The following PTPRN2 variants were observed in gnomAD, a reference collection of about 807,000 sequenced individuals.
PTPRN2 encodes receptor-type tyrosine-protein phosphatase N2.
In PTPRN2, 74 loss-of-function variants were observed where a neutral mutation model predicts 118.8. That is an observed-to-expected ratio of 0.62 (90% CI 0.52 to 0.76). The LOEUF (loss-of-function observed/expected upper bound fraction) is 0.76, where lower values mean the gene tolerates loss of function less well. Among genes scored for constraint, PTPRN2 ranks in the 30% least tolerant of loss-of-function variants. The pLI is 0.00. For synonymous variants in PTPRN2, 641 were observed against 608.0 expected (o/e 1.05, Z -0.80); for missense variants, 1,481 against 1,394.4 (o/e 1.06, Z -0.99).
intron 2 of PTPRN2, among the ~76,000 whole-genome samples, chr7:158,355,397 G>C (rs539806531): frequency 6.6e-6 from 1 of 152,342 alleles, no homozygotes; most frequent in African/African-American, 2.4e-5. Flanking sequence ...TGCAGCATAA[G>C]TGTCTGTAAT....
At chr7:158,357,648 T>C (rs1310946742) in intron 2 of PTPRN2, among the ~76,000 whole-genome samples, 1 of 152,224 alleles carries the variant, frequency 6.6e-6, no homozygotes, top group Non-Finnish European at 1.5e-5. Flanking sequence ...AGCTTATCTG[T>C]GCAGCCGTCA....
chr7:158,163,900 T>C (rs1822620629), intron 6 of PTPRN2, among the ~76,000 whole-genome samples: 1 of 152,284 alleles, frequency 6.6e-6, no homozygotes, highest in African/African-American at 2.4e-5. Context: ...GTATTCTCTG[T>C]GTATTTCATA....
At chr7:157,834,480 C>A (rs887601930) in intron 12 of PTPRN2, among the ~76,000 whole-genome samples, 71 of 138,812 alleles carry the variant, frequency 5.1e-4, no homozygotes, top group Non-Finnish European at 7.5e-4. Context: ...AGTGAGCCAG[C>A]AGCACTCCCT....
At chr7:158,422,878 G>A (rs1815375309) in intron 2 of PTPRN2, among the ~76,000 whole-genome samples, 1 of 152,244 alleles carries the variant, frequency 6.6e-6, no homozygotes, top group African/African-American at 2.4e-5. Flanking sequence ...CTTACAAGTA[G>A]TTGGTGTGTA....
intron 12 of PTPRN2, among the ~76,000 whole-genome samples, chr7:157,751,520 G>A (rs1241752829): frequency 3.3e-5 from 5 of 152,258 alleles, no homozygotes; most frequent in East Asian, 1.9e-4. Context: ...CACGGAGTGC[G>A]CTCGCTCGGG....
intron 3 of PTPRN2, among the ~76,000 whole-genome samples, chr7:158,307,550 G>C (rs1204309976): frequency 6.6e-6 from 1 of 152,114 alleles, no homozygotes; most frequent in Admixed American, 6.6e-5. Flanking sequence ...CCCAAAACTA[G>C]ATGGAAAACA....
intron 2 of PTPRN2, among the ~76,000 whole-genome samples, chr7:158,342,609 A>G (rs918971197): frequency 1.3e-5 from 2 of 152,156 alleles, no homozygotes; most frequent in Non-Finnish European, 2.9e-5. Context: ...TCACCATAAG[A>G]GCTGACATCT....
intron 13 of PTPRN2, among the ~76,000 whole-genome samples, chr7:157,662,104 C>T (rs1262378075): frequency 1.3e-5 from 2 of 152,224 alleles, no homozygotes; most frequent in East Asian, 3.9e-4. Flanking sequence ...GATTTTGAAT[C>T]TGGGCTTCAG....
chr7:157,563,774 G>A (rs552854831), intron 21 of PTPRN2, among the ~76,000 whole-genome samples: 1,675 of 146,906 alleles, frequency 0.011, 22 homozygotes, highest in African/African-American at 0.041. Flanking sequence ...TCAGGACCAC[G>A]TGCTCCCACA....
chr7:157,642,370 A>T (rs1804724925), intron 14 of PTPRN2, among the ~76,000 whole-genome samples: 1 of 152,236 alleles, frequency 6.6e-6, no homozygotes, highest in South Asian at 2.1e-4. Context: ...AACTCGTGTT[A>T]GGTTTACACA....
chr7:157,973,606 C>T (rs1802505733), intron 11 of PTPRN2, among the ~76,000 whole-genome samples: 1 of 152,202 alleles, frequency 6.6e-6, no homozygotes, highest in African/African-American at 2.4e-5. Flanking sequence ...TAAAGAATAT[C>T]CTTCTGCACA....
rs184215979 is a variant in PTPRN2 at position 158,128,003 on chromosome 7, C to T, written c.1556+5674G>A. Among the ~76,000 whole-genome samples the T allele has an allele frequency of 1.6e-3, 242 of 152,250 alleles. 1 individual carries two copies. Among genetic ancestry groups the T allele is most frequent in the Non-Finnish European group, 2.6e-3 (176 of 68,026 alleles). The stretch of plus-strand genomic sequence containing the variant: ...GAGAGAAAATCATGCCTGGAAAAGC[C>T]GAGCCCTACCATCCTCCCATCTGAA... On this transcript the variant is annotated intron_variant, in intron 9 of 22. Transcript: ENST00000389418.
At chr7:157,905,966 C>T (rs1409373537) in intron 11 of PTPRN2, among the ~76,000 whole-genome samples, 3 of 152,196 alleles carry the variant, frequency 2.0e-5, no homozygotes, top group Non-Finnish European at 4.4e-5. Flanking sequence ...GCCTCACAGC[C>T]ACCGTAAACA....
At chr7:157,649,408 G>A (rs1175736260) in intron 14 of PTPRN2, among the ~76,000 whole-genome samples, 1 of 134,962 alleles carries the variant, frequency 7.4e-6, no homozygotes, top group East Asian at 2.5e-4. Flanking sequence ...CACTGAACTC[G>A]GTGGGTCAGA....
At chr7:158,080,683 A>G (rs1390873701) in intron 11 of PTPRN2, among the ~76,000 whole-genome samples, 2 of 152,172 alleles carry the variant, frequency 1.3e-5, no homozygotes, top group Non-Finnish European at 2.9e-5. Flanking sequence ...TTTTCACTCA[A>G]TGACAATTAT....
At chr7:158,074,056 A>C (rs903648358) in intron 11 of PTPRN2, among the ~76,000 whole-genome samples, 5 of 152,206 alleles carry the variant, frequency 3.3e-5, no homozygotes, top group African/African-American at 1.2e-4. Context: ...TCCTCCCGTC[A>C]GTCTCTAACC....
At chr7:158,139,412 G>A (rs1280559308) in intron 6 of PTPRN2, among the ~76,000 whole-genome samples, 3 of 152,090 alleles carry the variant, frequency 2.0e-5, no homozygotes, top group East Asian at 3.9e-4. Flanking sequence ...AGCGATCATC[G>A]TTGGAAGAAC....
chr7:157,702,850 A>G (rs1480314960), intron 12 of PTPRN2, among the ~76,000 whole-genome samples: 1 of 152,170 alleles, frequency 6.6e-6, no homozygotes, highest in East Asian at 1.9e-4. Context: ...CGCGTCCCTC[A>G]GAAGGAGCTG....
At chr7:157,546,362 C>A (rs1226605709) in intron 22 of PTPRN2, among the ~76,000 whole-genome samples, 2 of 152,204 alleles carry the variant, frequency 1.3e-5, no homozygotes, top group Admixed American at 6.5e-5. Flanking sequence ...TGGTTTGCCG[C>A]ACCCATGAAT....
Sources: allele counts gnomAD v4.1 joint callset (sites outside exome capture counted in the v4.1 genomes callset), GRCh38; gene constraint gnomAD v4.1.1; transcripts MANE v1.5; gene names NCBI Gene and HGNC (gene_info 2026-07-23, HGNC 2026-07-21).